FYN: variants seen among roughly 807,000 people sequenced by gnomAD.
FYN encodes the protein tyrosine-protein kinase Fyn.
A neutral mutation model predicts 70.2 loss-of-function variants in FYN; 10 were observed. The ratio of observed to expected loss-of-function variants is 0.14; its 90% CI spans 0.09 to 0.24. The LOEUF (loss-of-function observed/expected upper bound fraction) is 0.24, where lower values mean the gene tolerates loss of function less well. FYN is among the 10% of genes least tolerant of loss of function. The pLI is 1.00. For synonymous variants in FYN, 236 were observed against 248.6 expected (o/e 0.95, Z 0.48); for missense variants, 319 against 673.1 (o/e 0.47, Z 5.82).
intron 3 of FYN, among the ~76,000 whole-genome samples, chr6:111,761,512 A>C (rs1803003505): frequency 6.6e-6 from 1 of 152,212 alleles, no homozygotes; most frequent in Admixed American, 6.5e-5. Flanking sequence ...TGGAAGATGA[A>C]GCTGGAAATC....
chr6:111,844,844 CAA>C (rs947101464), intron 2 of FYN: 1 of 152,098 alleles, frequency 6.6e-6, no homozygotes, highest in Non-Finnish European at 1.5e-5. Flanking sequence ...AGTCAGAAAA[CAA>C]AAACAAAAAC....
intron 3 of FYN, among the ~76,000 whole-genome samples, chr6:111,749,813 A>G (rs1421627118): frequency 6.6e-6 from 1 of 152,184 alleles, no homozygotes; most frequent in Non-Finnish European, 1.5e-5. Context: ...TGTTCAAAAT[A>G]TATGTTCAAA....
intron 3 of FYN, among the ~76,000 whole-genome samples, chr6:111,771,919 G>C (rs980596071): frequency 6.6e-6 from 1 of 152,092 alleles, no homozygotes; most frequent in Non-Finnish European, 1.5e-5. Context: ...CCTGAGGCAA[G>C]AACTGTAGTA....
intron 1 of FYN, among the ~76,000 whole-genome samples, chr6:111,857,406 C>T (rs1773850116): frequency 6.6e-6 from 1 of 152,198 alleles, no homozygotes; most frequent in African/African-American, 2.4e-5. Context: ...TATCTTGAAA[C>T]ATCAGGTGGA....
intron 2 of FYN, among the ~76,000 whole-genome samples, chr6:111,816,386 T>C (rs186161158): frequency 6.6e-6 from 1 of 152,318 alleles, no homozygotes; most frequent in Non-Finnish European, 1.5e-5. Flanking sequence ...GTAGTAATAT[T>C]TATACAATAT....
chr6:111,692,885 C>T (rs535838172), intron 12 of FYN, among the ~76,000 whole-genome samples: 30 of 152,196 alleles, frequency 2.0e-4, no homozygotes, highest in East Asian at 5.8e-4. Flanking sequence ...CCTCTCTGGA[C>T]GGCCAGTGCC....
chr6:111,859,767 C>G (rs945330231), intron 1 of FYN, among the ~76,000 whole-genome samples: 2 of 152,064 alleles, frequency 1.3e-5, no homozygotes, highest in African/African-American at 4.8e-5. Context: ...ATGGTGCCAA[C>G]CCCCCAACCA....
intron 12 of FYN, among the ~76,000 whole-genome samples, chr6:111,676,715 C>T (rs953606564): frequency 6.6e-6 from 1 of 152,222 alleles, no homozygotes; most frequent in African/African-American, 2.4e-5. Context: ...CTCTGACCAT[C>T]TCTGAAGTAA....
intron 2 of FYN, among the ~76,000 whole-genome samples, chr6:111,814,708 C>T (rs1013228171): frequency 2.6e-5 from 4 of 152,136 alleles, no homozygotes; most frequent in African/African-American, 9.7e-5. Context: ...TCTATTTGGT[C>T]TGAGCCTTCA....
At chr6:111,847,237 A>G (rs1773558291) in intron 1 of FYN, among the ~76,000 whole-genome samples, 1 of 152,170 alleles carries the variant, frequency 6.6e-6, no homozygotes, top group Non-Finnish European at 1.5e-5. Flanking sequence ...CTACCTTAGA[A>G]CCTTGTGCCA....
At position 111,794,928 on chromosome 6, in the gene FYN, A is replaced by T. The variant is rs912286379; in HGVS notation, c.-81-14293T>A. ...TGCCTCTGGGCCTGTCTCCACACTA[A>T]GTCACAGGCAAGTCCTAATGCTGGT... On this transcript the variant is annotated intron_variant, in intron 2 of 13. Coordinates refer to ENST00000354650, the MANE Select transcript of FYN (RefSeq NM_002037.5). Among the ~76,000 whole-genome samples the T allele has an allele frequency of 3.0e-4, 46 of 152,300 alleles. 1 individual carries two copies. The highest frequency in any genetic ancestry group is 2.7e-3 in the Admixed American group (42 of 15,296).
intron 3 of FYN, among the ~76,000 whole-genome samples, chr6:111,753,475 A>G (rs1802575504): frequency 6.6e-6 from 1 of 152,224 alleles, no homozygotes; most frequent in Non-Finnish European, 1.5e-5. Flanking sequence ...AACATCTTAG[A>G]TGAAGATATT....
intron 5 of FYN, among the ~76,000 whole-genome samples, chr6:111,708,411 G>T (rs1367076531): frequency 6.6e-6 from 1 of 152,108 alleles, no homozygotes; most frequent in East Asian, 1.9e-4. Context: ...TTTTTAGGAG[G>T]TCTGAGGTCA....
At chr6:111,838,540 A>T (rs1368542061) in intron 2 of FYN, among the ~76,000 whole-genome samples, 1 of 152,234 alleles carries the variant, frequency 6.6e-6, no homozygotes, top group Non-Finnish European at 1.5e-5. Context: ...TGACCTGGAG[A>T]GAGGTCCTTG....
intron 2 of FYN, among the ~76,000 whole-genome samples, chr6:111,792,463 G>C (rs1771657606): frequency 6.6e-6 from 1 of 152,100 alleles, no homozygotes; most frequent in Non-Finnish European, 1.5e-5. Context: ...CTGCCATCCA[G>C]AGCCTATCCT....
chr6:111,813,461 A>G (rs542290331), intron 2 of FYN, among the ~76,000 whole-genome samples: 1 of 152,368 alleles, frequency 6.6e-6, no homozygotes, highest in African/African-American at 2.4e-5. Context: ...ATTCCCAGAA[A>G]GAATGTAGGT....
At chr6:111,828,270 C>T (rs1772902205) in intron 2 of FYN, among the ~76,000 whole-genome samples, 1 of 152,140 alleles carries the variant, frequency 6.6e-6, no homozygotes, top group Admixed American at 6.5e-5. Context: ...CTGTGGGATA[C>T]CCAAAGGTGT....
chr6:111,691,033 G>A (rs967143918), intron 12 of FYN, among the ~76,000 whole-genome samples: 1 of 152,202 alleles, frequency 6.6e-6, no homozygotes, highest in Non-Finnish European at 1.5e-5. Context: ...AACTAAAGAC[G>A]AACTATCTGC....
At chr6:111,721,388 T>C (rs933965341) in intron 3 of FYN, among the ~76,000 whole-genome samples, 11 of 152,226 alleles carry the variant, frequency 7.2e-5, no homozygotes, top group Admixed American at 5.2e-4. Flanking sequence ...GAAGATTCTG[T>C]AGCCTATTAT....
Sources: gnomAD v4.1 joint callset for allele counts (sites outside exome capture counted in the v4.1 genomes callset) on GRCh38, gnomAD v4.1.1 for gene constraint, MANE v1.5 for transcripts, NCBI Gene and HGNC (gene_info 2026-07-23, HGNC 2026-07-21) for gene names.